NEGR1: variants seen among roughly 807,000 people sequenced by gnomAD.
NEGR1 encodes IgLON family member 4.
Under a neutral mutation model 40.9 loss-of-function variants are expected in NEGR1, and 10 were observed. The observed-to-expected ratio is 0.24, with a 90% CI of 0.15 to 0.42. NEGR1 has a LOEUF of 0.42. Ranked by LOEUF, NEGR1 falls within the 10% of genes least tolerant of loss-of-function variation. The pLI, the probability that NEGR1 is intolerant of heterozygous loss-of-function variation, is 1.00. For missense variants in NEGR1, 352 were observed against 438.9 expected (o/e 0.80, Z 1.77); for synonymous variants, 185 against 166.8 (o/e 1.11, Z -0.84).
chr1:71,513,137 T>A (rs1264102351), intron 6 of NEGR1, among the ~76,000 whole-genome samples: 1 of 151,474 alleles, frequency 6.6e-6, no homozygotes, highest in Non-Finnish European at 1.5e-5. Flanking sequence ...CAGAAATCAA[T>A]TTTATTACCT....
intron 2 of NEGR1, among the ~76,000 whole-genome samples, chr1:71,910,850 A>G (rs1661405293): frequency 6.6e-6 from 1 of 152,020 alleles, no homozygotes. Context: ...GGCACACACT[A>G]CAAAGCCTGG....
chr1:71,856,650 ATC>A (rs1659776243), intron 2 of NEGR1, among the ~76,000 whole-genome samples: 1 of 152,016 alleles, frequency 6.6e-6, no homozygotes, highest in Non-Finnish European at 1.5e-5. Flanking sequence ...TACAAATATC[ATC>A]TGTCTACCCA....
chr1:71,482,875 A>G (rs1463465958), intron 6 of NEGR1, among the ~76,000 whole-genome samples: 1 of 151,890 alleles, frequency 6.6e-6, no homozygotes, highest in Non-Finnish European at 1.5e-5. Flanking sequence ...TCATGGATGA[A>G]GCACTAACGA....
chr1:72,003,752 G>T (rs774109650), intron 1 of NEGR1, among the ~76,000 whole-genome samples: 3 of 152,100 alleles, frequency 2.0e-5, no homozygotes, highest in African/African-American at 4.8e-5. Flanking sequence ...TTGCACTACA[G>T]TCTTTTCCCC....
At chr1:72,229,508 T>A (rs1570149602) in intron 1 of NEGR1, among the ~76,000 whole-genome samples, 1 of 149,772 alleles carries the variant, frequency 6.7e-6, no homozygotes, top group East Asian at 2.0e-4. Flanking sequence ...CATTATGTTT[T>A]AAATTTTTAT....
intron 3 of NEGR1, among the ~76,000 whole-genome samples, chr1:71,724,046 G>A (rs536057913): frequency 9.2e-4 from 140 of 152,104 alleles, no homozygotes; most frequent in African/African-American, 3.1e-3. Flanking sequence ...TTCTATCTAC[G>A]TTTCTTATTT....
At chr1:72,278,917 G>T (rs1175981426) in intron 1 of NEGR1, among the ~76,000 whole-genome samples, 2 of 151,936 alleles carry the variant, frequency 1.3e-5, no homozygotes, top group Non-Finnish European at 2.9e-5. Context: ...TAAATACAAA[G>T]CTTAAGAAAG....
chr1:71,951,050 C>T (rs1039893638), intron 1 of NEGR1, among the ~76,000 whole-genome samples: 1 of 151,690 alleles, frequency 6.6e-6, no homozygotes, highest in Non-Finnish European at 1.5e-5. Context: ...TTTTCATGGA[C>T]TTAGTACAAA....
intron 1 of NEGR1, among the ~76,000 whole-genome samples, chr1:72,031,368 T>A (rs945766154): frequency 4.6e-5 from 7 of 152,190 alleles, no homozygotes; most frequent in Non-Finnish European, 5.9e-5. Flanking sequence ...CCAGCCCCAC[T>A]TTACTCAGGT....
chr1:71,595,294 T>C (rs1206869950), intron 5 of NEGR1, among the ~76,000 whole-genome samples: 1 of 152,162 alleles, frequency 6.6e-6, no homozygotes, highest in African/African-American at 2.4e-5. Context: ...AAAACTAAGT[T>C]CCCCGAGGTA....
At chr1:71,911,833 C>T (rs1277279933) in intron 2 of NEGR1, among the ~76,000 whole-genome samples, 1 of 152,104 alleles carries the variant, frequency 6.6e-6, no homozygotes, top group East Asian at 1.9e-4. Flanking sequence ...TAACTTGAGC[C>T]TTGGTTTTGG....
At chr1:71,605,587 A>G (rs1650051995) in intron 5 of NEGR1, among the ~76,000 whole-genome samples, 1 of 152,250 alleles carries the variant, frequency 6.6e-6, no homozygotes, top group Non-Finnish European at 1.5e-5. Flanking sequence ...ATTGAATTTC[A>G]TATCACCAAA....
intron 6 of NEGR1, among the ~76,000 whole-genome samples, chr1:71,578,234 G>T (rs1213173562): frequency 6.6e-6 from 1 of 151,982 alleles, no homozygotes; most frequent in African/African-American, 2.4e-5. Context: ...GTTTTAAGAT[G>T]GTAGGCTGGG....
intron 1 of NEGR1, among the ~76,000 whole-genome samples, chr1:72,174,505 C>T (rs1349585182): frequency 6.6e-6 from 1 of 152,176 alleles, no homozygotes; most frequent in Non-Finnish European, 1.5e-5. Flanking sequence ...TTTCTCCCCT[C>T]CAACTCTGAG....
chr1:72,209,182 A>G (rs1653510888), intron 1 of NEGR1, among the ~76,000 whole-genome samples: 1 of 151,612 alleles, frequency 6.6e-6, no homozygotes, highest in African/African-American at 2.4e-5. Context: ...CTAGCATTCC[A>G]TCGAGACAAT....
chr1:72,074,383 A>G (rs1380107905), intron 1 of NEGR1, among the ~76,000 whole-genome samples: 1 of 152,074 alleles, frequency 6.6e-6, no homozygotes, highest in East Asian at 1.9e-4. Flanking sequence ...TTATACTTAT[A>G]TTAATATTAT....
intron 6 of NEGR1, among the ~76,000 whole-genome samples, chr1:71,408,205 G>A (rs549538284): frequency 5.2e-4 from 78 of 149,300 alleles, no homozygotes; most frequent in Admixed American, 2.2e-3. Context: ...ATATTCGAAG[G>A]CATAATAAAA....
intron 3 of NEGR1, among the ~76,000 whole-genome samples, chr1:71,710,677 A>G (rs578255134): frequency 6.6e-6 from 1 of 152,266 alleles, no homozygotes; most frequent in Admixed American, 6.5e-5. Context: ...AAAAATAATA[A>G]TAATAATAAA....
chr1:72,022,117 AGAGG>A (rs1192568106), intron 1 of NEGR1, among the ~76,000 whole-genome samples: 1 of 152,066 alleles, frequency 6.6e-6, no homozygotes, highest in Non-Finnish European at 1.5e-5. Context: ...CCTGGGTGAC[AGAGG>A]GAGACCCCAT....
Sources: gnomAD v4.1 joint callset for allele counts (sites outside exome capture counted in the v4.1 genomes callset) on GRCh38, gnomAD v4.1.1 for gene constraint, MANE v1.5 for transcripts, NCBI Gene and HGNC (gene_info 2026-07-23, HGNC 2026-07-21) for gene names.